Variants in CADM2 observed in about 807,000 individuals in gnomAD.
The protein encoded by CADM2 is cell adhesion molecule 2.
Under a neutral mutation model 49.8 loss-of-function variants are expected in CADM2, and 12 were observed. The observed-to-expected ratio is 0.24, with a 90% CI of 0.15 to 0.39. CADM2 has a LOEUF of 0.39. Ranked by LOEUF, CADM2 falls within the 10% of genes least tolerant of loss-of-function variation. The pLI, the probability that CADM2 is intolerant of heterozygous loss-of-function variation, is 1.00. For synonymous variants in CADM2, 214 were observed against 175.4 expected, an observed-to-expected ratio of 1.22 and a Z score of -1.74; for missense variants, 378 against 492.3, an observed-to-expected ratio of 0.77 and a Z score of 2.20.
chr3:86,027,509 T>C (rs1477079689), intron 8 of CADM2, among the ~76,000 whole-genome samples: 2 of 152,176 alleles, frequency 1.3e-5, no homozygotes, highest in Non-Finnish European at 2.9e-5. Flanking sequence ...AGCATTGTCA[T>C]AGAAACTATG....
chr3:85,123,849 A>C (rs1274066785), intron 1 of CADM2, among the ~76,000 whole-genome samples: 3 of 152,212 alleles, frequency 2.0e-5, no homozygotes, highest in Admixed American at 2.0e-4. Flanking sequence ...TTGGTTTCAA[A>C]GCAAAAATTG....
chr3:84,967,422 A>G (rs370337068), intron 1 of CADM2, among the ~76,000 whole-genome samples: 1 of 152,130 alleles, frequency 6.6e-6, no homozygotes. Flanking sequence ...TCATTCTGAT[A>G]CCTTTTACAT....
intron 1 of CADM2, among the ~76,000 whole-genome samples, chr3:85,351,721 T>C (rs1041727063): frequency 7.9e-5 from 12 of 152,140 alleles, no homozygotes; most frequent in Admixed American, 7.9e-4. Flanking sequence ...GTAATGCAGT[T>C]AAAGGTTTTT....
At chr3:84,990,341 A>G (rs2032810948) in intron 1 of CADM2, among the ~76,000 whole-genome samples, 1 of 151,754 alleles carries the variant, frequency 6.6e-6, no homozygotes, top group Admixed American at 6.6e-5. Flanking sequence ...ATATTTTTAT[A>G]TAATTTTGCT....
At chr3:85,804,431 A>T (rs941938660) in intron 3 of CADM2, among the ~76,000 whole-genome samples, 1 of 152,160 alleles carries the variant, frequency 6.6e-6, no homozygotes, top group Admixed American at 6.6e-5. Flanking sequence ...ATCAACAACA[A>T]ATTTGTCCCA....
chr3:85,653,967 G>A (rs1259840484), intron 1 of CADM2, among the ~76,000 whole-genome samples: 2 of 152,254 alleles, frequency 1.3e-5, no homozygotes, highest in Non-Finnish European at 2.9e-5. Flanking sequence ...GATGAATGAT[G>A]TCAAACATAA....
At chr3:85,981,847 T>A (rs989589447) in intron 8 of CADM2, among the ~76,000 whole-genome samples, 1 of 151,744 alleles carries the variant, frequency 6.6e-6, no homozygotes, top group African/African-American at 2.4e-5. Flanking sequence ...GGTAGAACAA[T>A]TTATATTCTT....
At chr3:85,633,034 A>G (rs1472664744) in intron 1 of CADM2, among the ~76,000 whole-genome samples, 4 of 152,066 alleles carry the variant, frequency 2.6e-5, no homozygotes, top group African/African-American at 4.8e-5. Context: ...GGAAACCTGC[A>G]TAGTATCGTC....
At chr3:85,951,234 A>G (rs1723387953) in intron 7 of CADM2, among the ~76,000 whole-genome samples, 1 of 151,124 alleles carries the variant, frequency 6.6e-6, no homozygotes, top group African/African-American at 2.4e-5. Context: ...GTAGAGGCCA[A>G]TGAGAAGAAA....
chr3:85,041,038 C>A (rs1357094959), intron 1 of CADM2, among the ~76,000 whole-genome samples: 2 of 152,098 alleles, frequency 1.3e-5, no homozygotes, highest in African/African-American at 4.8e-5. Context: ...ACCCTCAGGC[C>A]TCTGAGACAA....
chr3:85,250,114 A>G (rs2042741450), intron 1 of CADM2, among the ~76,000 whole-genome samples: 1 of 151,862 alleles, frequency 6.6e-6, no homozygotes, highest in Non-Finnish European at 1.5e-5. Flanking sequence ...AATTAACCAT[A>G]TTTGCCTCTT....
At chr3:85,830,681 A>G (rs1036250519) in intron 3 of CADM2, among the ~76,000 whole-genome samples, 1 of 151,754 alleles carries the variant, frequency 6.6e-6, no homozygotes, top group African/African-American at 2.4e-5. Context: ...ATCCATTTCA[A>G]GTTACTTTTG....
chr3:85,938,642 T>C (rs1721464721), intron 7 of CADM2, among the ~76,000 whole-genome samples: 1 of 152,126 alleles, frequency 6.6e-6, no homozygotes, highest in African/African-American at 2.4e-5. Context: ...GTCAAAGTTC[T>C]ACTCCATTAT....
intron 3 of CADM2, among the ~76,000 whole-genome samples, chr3:85,880,859 G>C (rs1050078857): frequency 2.0e-5 from 3 of 152,128 alleles, no homozygotes; most frequent in Admixed American, 6.6e-5. Context: ...TCGATATAGA[G>C]TTCTTTGGGG....
At chr3:85,163,787 A>G (rs1259547143) in intron 1 of CADM2, among the ~76,000 whole-genome samples, 1 of 152,084 alleles carries the variant, frequency 6.6e-6, no homozygotes, top group Non-Finnish European at 1.5e-5. Context: ...TTCACATATC[A>G]TACTATTTAC....
chr3:85,724,110 G>A (rs182009181), intron 1 of CADM2, among the ~76,000 whole-genome samples: 1 of 151,832 alleles, frequency 6.6e-6, no homozygotes, highest in East Asian at 1.9e-4. Flanking sequence ...TTTTACCAAG[G>A]AATCCAATTA....
At chr3:85,331,733 C>T (rs960299090) in intron 1 of CADM2, among the ~76,000 whole-genome samples, 1 of 151,928 alleles carries the variant, frequency 6.6e-6, no homozygotes, top group Non-Finnish European at 1.5e-5. Context: ...TTTACATTCC[C>T]ACTAAGAATG....
At position 85,199,370 on chromosome 3, in the gene CADM2, T is replaced by TGAGAGAGAGAGA. The variant is rs59939815; in HGVS notation, c.61+239711_61+239722dup. Among the ~76,000 whole-genome samples the TGAGAGAGAGAGA allele has an allele frequency of 7.8e-3, 1,095 of 140,154 alleles. 18 individuals carry two copies. Among genetic ancestry groups the TGAGAGAGAGAGA allele is most frequent in the African/African-American group, 0.028 (998 of 35,468 alleles). 91.9% of individuals were successfully genotyped at this position (140,154 alleles called of 152,430 possible). ...GTGTGTGTGTGTGTGTGTGTGTGTA[T>TGAGAGAGAGAGA]GAGAGAGAGAGAGAGAGAGAAGCCC... On this transcript the variant is annotated intron_variant, in intron 1 of 9. Transcript: ENST00000383699.
chr3:84,980,825 A>G (rs2032131116), intron 1 of CADM2, among the ~76,000 whole-genome samples: 1 of 152,182 alleles, frequency 6.6e-6, no homozygotes, highest in Admixed American at 6.5e-5. Context: ...GGCTCATATC[A>G]GATCTAAAAT....
Sources: gnomAD v4.1 joint callset for allele counts (sites outside exome capture counted in the v4.1 genomes callset) on GRCh38, gnomAD v4.1.1 for gene constraint, MANE v1.5 for transcripts, NCBI Gene and HGNC (gene_info 2026-07-23, HGNC 2026-07-21) for gene names.